The following BMP8A variants were observed in gnomAD, a reference collection of about 807,000 sequenced individuals.
BMP8A encodes bone morphogenetic protein 8a, also known as BMP-8A.
A neutral mutation model predicts 36.8 loss-of-function variants in BMP8A; 14 were observed. The ratio of observed to expected loss-of-function variants is 0.38; its 90% CI spans 0.25 to 0.60. The LOEUF is 0.60. Among genes scored for constraint, BMP8A ranks in the 20% least tolerant of loss-of-function variants. BMP8A has a pLI of 0.63. For synonymous variants in BMP8A, 120 were observed against 237.7 expected (o/e 0.50, Z 4.55); for missense variants, 267 against 551.1 (o/e 0.48, Z 5.16).
chr1:39,494,327 CTTCT>C (rs951357575), intron 1 of BMP8A, among the ~76,000 whole-genome samples: 4 of 150,024 alleles, frequency 2.7e-5, no homozygotes, highest in South Asian at 2.1e-4. Context: ...CCTTTCTTTC[CTTCT>C]TTCTTTCTTT....
chr1:39,519,021 G>C (rs2124373974), intron 3 of BMP8A, among the ~76,000 whole-genome samples: 1 of 95,210 alleles, frequency 1.1e-5, no homozygotes, highest in Non-Finnish European at 2.1e-5. Flanking sequence ...ACCCAAGCCA[G>C]GCCTGGCTCA....
intron 3 of BMP8A, among the ~76,000 whole-genome samples, chr1:39,514,729 G>T: frequency 6.6e-6 from 1 of 152,174 alleles, no homozygotes; most frequent in Non-Finnish European, 1.5e-5. Context: ...CTGCGCCCGG[G>T]CCTGTGCGCT....
Position 39,526,555 on chromosome 1 carries a change from T to C in BMP8A, c.*757T>C, listed in dbSNP as rs1570322220. Among the ~76,000 whole-genome samples, 1 of 152,074 alleles carries C rather than the reference T, an allele frequency of 6.6e-6. No individual in the cohort carries two copies. The highest frequency in any genetic ancestry group is 2.1e-4 in the South Asian group (1 of 4,820). Reference sequence around the variant, plus strand: ...GGTTTCACCATATCGGCCAGGCTGGTCTTGAACTCCTGACCTCAGGTGATC... The same window carrying C: ...GGTTTCACCATATCGGCCAGGCTGGCCTTGAACTCCTGACCTCAGGTGATC... On this transcript the variant is annotated 3_prime_UTR_variant, in exon 7 of 7. Transcript: ENST00000331593.
Position 39,511,210 on chromosome 1 carries a change from A to C in BMP8A, c.371A>C (p.His124Pro). The C allele has an allele frequency of 1.4e-6, 2 of 1,460,272 alleles. No individual in the cohort carries two copies. The highest frequency in any genetic ancestry group is 1.8e-6 in the Non-Finnish European group (2 of 1,091,662). 90.5% of individuals were successfully genotyped at this position (1,460,272 alleles called of 1,614,324 possible). The change falls in exon 2 of 7, where the codon CAT becomes CCT. Residue 124 changes from histidine (H) to proline (P), a missense_variant. Physicochemically the swap from His to Pro is moderately conservative, Grantham distance 77. Around this residue, in one of 7 missense-constraint regions of BMP8A, gnomAD observed 13 missense variants for 75.8 expected, o/e 0.17. Transcript: ENST00000331593. ...RDRALGHQEPHWKEFRFDLTQ... is the reference protein window; with the variant it reads ...RDRALGHQEPPWKEFRFDLTQ... ...CGTGCCCTGGGCCACCAGGAGCCCC[A>C]TTGGAAGGAGTTCCGCTTTGACCTG...
rs1292751489 is a variant in BMP8A at position 39,524,289 on chromosome 1, CAG to C, written c.1059+1173_1059+1174del. Among the ~76,000 whole-genome samples, 1 of 152,162 alleles carries C rather than the reference CAG, an allele frequency of 6.6e-6. No homozygotes were observed. Among genetic ancestry groups the C allele is most frequent in the Non-Finnish European group, 1.5e-5 (1 of 68,032 alleles). On this transcript the variant is annotated intron_variant, in intron 6 of 6. Transcript: ENST00000331593. This position sits in a 1 kb window ranked among gnomAD's most constrained non-coding sequence, Gnocchi z 4.0. ...CTCCTCTGCCCTTGCCCCTGCCCCT[CAG>C]GGGCTCAACTAGAGTGAGTGCTCAC...
intron 1 of BMP8A, among the ~76,000 whole-genome samples, chr1:39,493,871 C>T (rs1428088658): frequency 3.9e-5 from 6 of 152,200 alleles, no homozygotes; most frequent in African/African-American, 1.4e-4. Flanking sequence ...CCCAGGGAGC[C>T]GCCCATCAGA....
chr1:39,493,111 G>A (rs778567286), intron 1 of BMP8A, among the ~76,000 whole-genome samples: 12 of 152,234 alleles, frequency 7.9e-5, no homozygotes, highest in East Asian at 5.8e-4. Flanking sequence ...TGTAGTTACT[G>A]TTGGTCAGGT....
At chr1:39,498,500 C>T (rs1376919182) in intron 1 of BMP8A, among the ~76,000 whole-genome samples, 1 of 152,082 alleles carries the variant, frequency 6.6e-6, no homozygotes, top group Non-Finnish European at 1.5e-5. Flanking sequence ...AGGCCTGGAC[C>T]GGTAATTATG....
chr1:39,508,959 G>A (rs1300993128), intron 1 of BMP8A, among the ~76,000 whole-genome samples: 1 of 152,212 alleles, frequency 6.6e-6, no homozygotes, highest in Non-Finnish European at 1.5e-5. Flanking sequence ...GGTCGGTTCA[G>A]TTGAGCAAAA....
At chr1:39,520,665 CT>C (rs1050011549) in intron 3 of BMP8A, among the ~76,000 whole-genome samples, 1 of 60,352 alleles carries the variant, frequency 1.7e-5, no homozygotes, top group African/African-American at 6.7e-5. Context: ...TTCTTTCTTT[CT>C]TTTCTGTCCA....
intron 3 of BMP8A, among the ~76,000 whole-genome samples, chr1:39,517,696 C>T (rs1645403789): frequency 6.6e-6 from 1 of 151,750 alleles, no homozygotes; most frequent in South Asian, 2.1e-4. Flanking sequence ...AGCCTCCCCT[C>T]CTCCTCCCAC....
At chr1:39,523,661 A>AT in intron 6 of BMP8A, 1 of 1,448,264 alleles carries the variant, frequency 6.9e-7, no homozygotes. Context: ...TTTTCTCTGG[A>AT]TCCCCTGGCT....
chr1:39,498,407 T>TATC (rs766798745), intron 1 of BMP8A, among the ~76,000 whole-genome samples: 2 of 152,256 alleles, frequency 1.3e-5, no homozygotes, highest in Non-Finnish European at 2.9e-5. Context: ...TAACATCTCC[T>TATC]GGGATCTATT....
rs558216884 is a variant in BMP8A, at chr1:39,492,335, GC to G, written c.334+12del. The G allele has an allele frequency of 1.1e-4, 168 of 1,542,642 alleles. No individual in the cohort carries two copies. In the African/African-American group the frequency reaches 2.0e-3, roughly 19 times the overall value. ...AGCTTCGTCAACATGGGTGAGTGCG[GC>G]CGCCCGCGCGGGGACCCTCGGAGTA... On this transcript the variant is annotated intron_variant, in intron 1 of 6. Coordinates refer to ENST00000331593, the MANE Select transcript of BMP8A (RefSeq NM_181809.4).
Position 39,523,082 on chromosome 1 carries a change from A to T in BMP8A, c.1024A>T (p.Met342Leu). ...GECSFPLDSC[M>L]NATNHAILQS... ...GTGCTCCTTCCCGCTGGACTCCTGC[A>T]TGAACGCCACCAACCACGCCATCCT... is the stretch of plus-strand genomic sequence containing the variant. Residue 342 changes from methionine (M) to leucine (L), a missense_variant, in exon 6 of 7, where the codon ATG (methionine) becomes TTG (leucine). This residue lies in a region of BMP8A where 132 missense variants were observed against 151.3 expected (regional missense o/e 0.87). Coordinates refer to ENST00000331593, the MANE Select transcript of BMP8A (RefSeq NM_181809.4). 2 of 1,613,982 alleles carry T rather than the reference A, an allele frequency of 1.2e-6. No homozygotes were observed. The highest frequency in any genetic ancestry group is 4.5e-5 in the East Asian group (2 of 44,862).
intron 1 of BMP8A, among the ~76,000 whole-genome samples, chr1:39,506,702 C>G (rs1645304699): frequency 1.3e-5 from 2 of 152,016 alleles, no homozygotes; most frequent in African/African-American, 2.4e-5. Context: ...GCATTATTCC[C>G]AGCCCCCCTT....
intron 5 of BMP8A, 70 bp from the exon 6 acceptor site, chr1:39,522,937 G>A (rs1285379257): frequency 2.2e-6 from 3 of 1,381,668 alleles, no homozygotes; most frequent in Non-Finnish European, 3.0e-6. Context: ...CAGGGCTGGA[G>A]GATGGGTTTG....
At chr1:39,522,310 T>C in intron 4 of BMP8A, 93 bp from the exon 5 acceptor site, 1 of 1,242,278 alleles carries the variant, frequency 8.0e-7, no homozygotes, top group East Asian at 2.4e-5. Context: ...ATTTGACAAA[T>C]GTGCTCATCA....
chr1:39,522,524 C>T (rs1645436738), intron 5 of BMP8A, 42 bp downstream of exon 5: 1 of 1,606,790 alleles, frequency 6.2e-7, no homozygotes, highest in Admixed American at 1.7e-5. Flanking sequence ...ACAATCACCA[C>T]CTGTAGATCA....
Sources: gnomAD v4.1 joint callset for allele counts (sites outside exome capture counted in the v4.1 genomes callset) on GRCh38, gnomAD v4.1.1 for gene constraint, gnomAD v4.1.1 regional missense constraint, Gnocchi (gnomAD v3.1) non-coding constraint, MANE v1.5 for transcripts, NCBI Gene and HGNC (gene_info 2026-07-23, HGNC 2026-07-21) for gene names.